LPA: variants seen among roughly 807,000 people sequenced by gnomAD.
LPA encodes the protein apolipoprotein(a).
In LPA, 199 loss-of-function variants were observed where a neutral mutation model predicts 197.9. The ratio of observed to expected loss-of-function variants is 1.01; its 90% CI spans 0.90 to 1.13. The LOEUF (loss-of-function observed/expected upper bound fraction) is 1.13. Ranked by LOEUF, LPA falls within the 50% of genes most tolerant of loss-of-function variation. The pLI, the probability that LPA is intolerant of heterozygous loss-of-function variation, is 0.00. For missense variants in LPA, 1,853 were observed against 1,785.8 expected (o/e 1.04, Z -0.68); for synonymous variants, 715 against 639.5 (o/e 1.12, Z -1.78).
In LPA at chr6:160,663,907, G is replaced by A. The variant is rs187448573; in HGVS notation, c.49+259C>T. Among the ~76,000 whole-genome samples, 68 of 152,076 alleles carry A rather than the reference G, an allele frequency of 4.5e-4. 2 individuals are homozygous for A. The highest frequency in any genetic ancestry group is 1.9e-3 in the Admixed American group (29 of 15,284). On this transcript the variant is annotated intron_variant, in intron 1 of 38. Coordinates refer to ENST00000316300, the MANE Select transcript of LPA (RefSeq NM_005577.4). ...GGCTATTTATTTTTCAGCCAGACTG[G>A]CCATCATGTAGGCACACTCTTTTAG... is the stretch of plus-strand genomic sequence containing the variant.
chr6:160,584,924 T>G, intron 26 of LPA, 122 bp downstream of exon 26: 1 of 1,006,680 alleles, frequency 9.9e-7, no homozygotes, highest in Non-Finnish European at 1.6e-6. Context: ...TCCTGAGACA[T>G]TTTGCTACAA....
At chr6:160,648,486 G>GTAGGAAATCTTTTTATGTT (rs1779945255) in intron 2 of LPA, among the ~76,000 whole-genome samples, 1 of 151,948 alleles carries the variant, frequency 6.6e-6, no homozygotes. Context: ...CTTCCCACAT[G>GTAGGAAATCTTTTTATGTT]TAGGAAATCT....
In LPA at chr6:160,542,821, G is replaced by T; in HGVS notation, c.5399-13C>A. The T allele has an allele frequency of 6.2e-7, 1 of 1,613,912 alleles. No homozygotes were observed. The highest frequency in any genetic ancestry group is 8.5e-7 in the Non-Finnish European group (1 of 1,179,840). ...AATGAAGAGGATGCTGTGGCACAAG[G>T]TGGGAAAAGAAGTCGCATTTGAGTC... On this transcript the variant is annotated splice_polypyrimidine_tract_variant and intron_variant, in intron 33 of 38. Coordinates refer to ENST00000316300, the MANE Select transcript of LPA (RefSeq NM_005577.4).
rs557266923 is a variant in LPA, at chr6:160,650,222, C to T, written c.209+116G>A. ...AAAGTAATGTTTCTCAGACATTTTG[C>T]CATGCATTCTATGTGTGAGAAAAAT... On this transcript the variant is annotated intron_variant, in intron 2 of 38. Coordinates refer to ENST00000316300, the MANE Select transcript of LPA (RefSeq NM_005577.4). 264 of 940,214 alleles carry T rather than the reference C, an allele frequency of 2.8e-4. 1 individual carries two copies. The South Asian group carries it at 2.9e-3, about 10-fold the overall frequency. The allele number at this position is 940,214 out of a possible 1,614,324, so 58.2% of individuals were successfully genotyped here.
intron 22 of LPA, 23 bp downstream of exon 22, chr6:160,593,935 T>C: frequency 6.2e-7 from 1 of 1,612,716 alleles, no homozygotes; most frequent in Non-Finnish European, 8.5e-7. Flanking sequence ...CTGTCTGTCT[T>C]TGAAGAAAAC....
At chr6:160,660,175 G>A (rs1029021697) in intron 1 of LPA, among the ~76,000 whole-genome samples, 1 of 116,560 alleles carries the variant, frequency 8.6e-6, no homozygotes, top group Admixed American at 7.7e-5. Context: ...GCACTCAGAT[G>A]TATACTAACT....
intron 16 of LPA, among the ~76,000 whole-genome samples, chr6:160,611,278 G>A (rs1480426766): frequency 6.6e-6 from 1 of 152,014 alleles, no homozygotes; most frequent in Admixed American, 6.6e-5. Flanking sequence ...GTTGGGCAAG[G>A]GTAATCTAAG....
At chr6:160,650,873 G>A (rs1779993300) in intron 1 of LPA, among the ~76,000 whole-genome samples, 1 of 152,138 alleles carries the variant, frequency 6.6e-6, no homozygotes, top group African/African-American at 2.4e-5. Flanking sequence ...TGGGCTGTCA[G>A]GGTCAAATAT....
chr6:160,564,178 G>T (rs1280376488), intron 28 of LPA, among the ~76,000 whole-genome samples: 3 of 152,112 alleles, frequency 2.0e-5, no homozygotes, highest in Non-Finnish European at 2.9e-5. Context: ...TTTACAATTT[G>T]GTATGTTTTT....
At position 160,584,233 on chromosome 6, in the gene LPA, CTT is replaced by C. The variant is rs59801304; in HGVS notation, c.4289+811_4289+812del. On this transcript the variant is annotated intron_variant, in intron 26 of 38. Transcript: ENST00000316300. ...TCTTCTTCTTCTTCTTCTTCTTCTTCTTCTTCCTCCTCCTCCTCCTCCTCCTC... is the reference window on the plus strand; with the variant it reads ...TCTTCTTCTTCTTCTTCTTCTTCTTCCTTCCTCCTCCTCCTCCTCCTCCTC... 8.5e-3 allele frequency among the ~76,000 whole-genome samples: 756 copies of C among 89,264 alleles called. 5 individuals are homozygous for C. The highest frequency in any genetic ancestry group is 0.023 in the African/African-American group (599 of 26,382). The allele number at this position is 89,264 out of a possible 152,430, so 58.6% of individuals were successfully genotyped here. A position where few individuals can be genotyped will look rare whatever the true frequency, so the allele number is the denominator to read the frequency against.
At chr6:160,662,008 T>C (rs998671445) in intron 1 of LPA, among the ~76,000 whole-genome samples, 2 of 152,232 alleles carry the variant, frequency 1.3e-5, no homozygotes, top group African/African-American at 4.8e-5. Flanking sequence ...TGTGTCATTT[T>C]ATTATGCTTC....
chr6:160,557,759 T>C (rs1388081530), intron 28 of LPA, among the ~76,000 whole-genome samples, 188 bp from the exon 29 acceptor site: 1 of 152,138 alleles, frequency 6.6e-6, no homozygotes, highest in Non-Finnish European at 1.5e-5. Flanking sequence ...ATTTCCAAGA[T>C]AGATTATAAT....
At chr6:160,540,386 T>C (rs1758492265) in intron 35 of LPA, among the ~76,000 whole-genome samples, 1 of 152,198 alleles carries the variant, frequency 6.6e-6, no homozygotes, top group Non-Finnish European at 1.5e-5. Flanking sequence ...GACTGTGATA[T>C]AGTTTGTATA....
At position 160,654,044 on chromosome 6, in the gene LPA, A is replaced by T. The variant is rs9456568; in HGVS notation, c.50-3547T>A. Among the ~76,000 whole-genome samples the T allele has an allele frequency of 4.3e-3, 32 of 7,468 alleles. 2 individuals carry two copies. Among genetic ancestry groups the T allele is most frequent in the African/African-American group, 0.018 (25 of 1,360 alleles). 4.9% of individuals were successfully genotyped at this position (7,468 alleles called of 152,430 possible). A position where few individuals can be genotyped will look rare whatever the true frequency, so the allele number is the denominator to read the frequency against. ...TAATATATAATATATATTATATATAATATATAATATATTATATATATTATA... is the reference window on the plus strand; with the variant it reads ...TAATATATAATATATATTATATATATTATATAATATATTATATATATTATA... On this transcript the variant is annotated intron_variant, in intron 1 of 38. Coordinates refer to ENST00000316300, the MANE Select transcript of LPA (RefSeq NM_005577.4).
intron 1 of LPA, among the ~76,000 whole-genome samples, chr6:160,652,154 G>A (rs1780019073): frequency 6.7e-6 from 1 of 150,260 alleles, no homozygotes; most frequent in Non-Finnish European, 1.5e-5. Context: ...AATAGATAAT[G>A]GCTATGAATT....
At chr6:160,556,588 T>C (rs41264314) in intron 29 of LPA, among the ~76,000 whole-genome samples, 179 of 152,250 alleles carry the variant, frequency 1.2e-3, no homozygotes, top group African/African-American at 4.1e-3. Context: ...GTTCCCTAGA[T>C]GATTGCTCCT....
rs1264915467 is a variant in LPA, at chr6:160,595,460, G to A, written c.3363C>T (p.Val1121=). 1 of 1,613,650 alleles carries A rather than the reference G, an allele frequency of 6.2e-7. No individual in the cohort carries two copies. The highest frequency in any genetic ancestry group is 1.3e-5 in the African/African-American group (1 of 74,822). ...GTGTCAGGTTGCAGTACTCCCACCTGACACTGGGATCCATGGTGTAACACC... is the reference window on the plus strand; with the variant it reads ...GTGTCAGGTTGCAGTACTCCCACCTAACACTGGGATCCATGGTGTAACACC... ...RPWCYTMDPS[V]RWEYCNLTQC... Residue 1121 remains valine, a synonymous_variant, in exon 21 of 39, where the codon GTC becomes GTT. Coordinates refer to ENST00000316300, the MANE Select transcript of LPA (RefSeq NM_005577.4).
chr6:160,592,567 T>A (rs1399575013), intron 22 of LPA, among the ~76,000 whole-genome samples: 1 of 152,228 alleles, frequency 6.6e-6, no homozygotes, highest in Non-Finnish European at 1.5e-5. Flanking sequence ...CAGTTATGGA[T>A]CACAGTGAAA....
chr6:160,633,157 AC>A (rs1201941055), intron 8 of LPA, among the ~76,000 whole-genome samples: 1 of 121,822 alleles, frequency 8.2e-6, no homozygotes, highest in Non-Finnish European at 1.7e-5. Context: ...CTCTCCATCC[AC>A]CCATCCCTTT....
Sources: allele counts gnomAD v4.1 joint callset (sites outside exome capture counted in the v4.1 genomes callset), GRCh38; gene constraint gnomAD v4.1.1; transcripts MANE v1.5; gene names NCBI Gene and HGNC (gene_info 2026-07-23, HGNC 2026-07-21).